Variants in ASTN2 observed in about 807,000 individuals in gnomAD.
ASTN2 encodes the protein astrotactin 2, also known as astrotactin-2.
ASTN2 carries 54 observed loss-of-function variants against 139.8 expected under a neutral mutation model. That is an observed-to-expected ratio of 0.39 (90% CI 0.31 to 0.48). The LOEUF is 0.48. ASTN2 is among the 20% of genes least tolerant of loss of function. The pLI, the probability that ASTN2 is intolerant of heterozygous loss-of-function variation, is 0.95. For synonymous variants in ASTN2, 756 were observed against 719.5 expected, an observed-to-expected ratio of 1.05 and a Z score of -0.81; for missense variants, 1,565 against 1,725.1, an observed-to-expected ratio of 0.91 and a Z score of 1.64.
intron 1 of ASTN2, among the ~76,000 whole-genome samples, chr9:117,413,412 T>A (rs1416471945): frequency 6.6e-6 from 1 of 152,198 alleles, no homozygotes; most frequent in East Asian, 1.9e-4. Flanking sequence ...CCCTGGCGCC[T>A]CACGGGCGCT....
chr9:117,188,674 G>A lies in ASTN2; in HGVS notation c.1015+25684C>T, dbSNP rs185735864. 1.2e-4 allele frequency among the ~76,000 whole-genome samples: 19 copies of A among 152,234 alleles called. 1 individual carries two copies. In the East Asian group the frequency reaches 3.3e-3, roughly 26 times the overall value. The stretch of plus-strand genomic sequence containing the variant: ...TACAGGGGTTCAGCATTCATTCCAC[G>A]GATGAGAAAGCATGCATAGATGAGA... On this transcript the variant is annotated intron_variant, in intron 3 of 22. Coordinates refer to ENST00000313400, the MANE Select transcript of ASTN2 (RefSeq NM_001365068.1).
chr9:117,203,607 C>T (rs1027671855), intron 3 of ASTN2, among the ~76,000 whole-genome samples: 2 of 151,994 alleles, frequency 1.3e-5, no homozygotes, highest in Non-Finnish European at 2.9e-5. Context: ...TAGTCAGGTC[C>T]TTCTTCCGTA....
chr9:116,608,706 C>A (rs1188539145), intron 19 of ASTN2, among the ~76,000 whole-genome samples: 1 of 152,054 alleles, frequency 6.6e-6, no homozygotes, highest in East Asian at 1.9e-4. Context: ...AGGCAAGAAT[C>A]GCAATGTCTG....
At chr9:117,408,724 C>G (rs1050198424) in intron 1 of ASTN2, among the ~76,000 whole-genome samples, 1 of 152,158 alleles carries the variant, frequency 6.6e-6, no homozygotes, top group Non-Finnish European at 1.5e-5. Context: ...ACTGACCCCC[C>G]AAGAAACAGC....
chr9:117,318,366 T>C (rs1427393456), intron 1 of ASTN2, among the ~76,000 whole-genome samples: 1 of 152,200 alleles, frequency 6.6e-6, no homozygotes, highest in Non-Finnish European at 1.5e-5. Flanking sequence ...ATGGTCATTA[T>C]TATGGTGCAT....
chr9:116,824,804 G>A (rs1238924210), intron 11 of ASTN2, among the ~76,000 whole-genome samples: 1 of 152,188 alleles, frequency 6.6e-6, no homozygotes, highest in Non-Finnish European at 1.5e-5. Context: ...TGCTGTTATA[G>A]GTATTTGTAA....
chr9:116,620,356 A>C lies in ASTN2; in HGVS notation c.3160T>G (p.Phe1054Val). 1.2e-6 allele frequency: 2 copies of C among 1,614,198 alleles called. No homozygotes were observed. The highest frequency in any genetic ancestry group is 1.7e-6 in the Non-Finnish European group (2 of 1,180,024). ...CAGTTGGGGAGCCCATTGGCATCAA[A>C]GGCGCTGAGGTCACACCTGCACCAG... ...DDWCRCDLSAFDANGLPNCSP... is the reference protein window; with the variant it reads ...DDWCRCDLSAVDANGLPNCSP... The change falls in exon 18 of 23, where the codon TTT becomes GTT. Residue 1054 changes from phenylalanine to valine, a missense_variant. Around this residue, in one of 4 missense-constraint regions of ASTN2, gnomAD observed 418 missense variants for 465.8 expected, o/e 0.90. Coordinates refer to ENST00000313400, the MANE Select transcript of ASTN2 (RefSeq NM_001365068.1).
chr9:116,630,234 G>A (rs574376200), intron 17 of ASTN2, among the ~76,000 whole-genome samples: 187 of 152,218 alleles, frequency 1.2e-3, no homozygotes, highest in Non-Finnish European at 2.0e-3. Context: ...TACATAGCCA[G>A]TATATAGCAG....
intron 3 of ASTN2, among the ~76,000 whole-genome samples, chr9:117,149,633 A>T (rs1346509497): frequency 6.6e-6 from 1 of 152,146 alleles, no homozygotes; most frequent in African/African-American, 2.4e-5. Flanking sequence ...TGCAAAAAAA[A>T]CCATCCAATT....
intron 10 of ASTN2, among the ~76,000 whole-genome samples, chr9:116,964,264 C>T (rs1034318671): frequency 2.0e-4 from 30 of 150,444 alleles, no homozygotes; most frequent in Non-Finnish European, 2.7e-4. Flanking sequence ...TGTGCGCGCG[C>T]GCGCGTGTGT....
intron 4 of ASTN2, among the ~76,000 whole-genome samples, chr9:117,114,713 T>C (rs1288705770): frequency 6.6e-6 from 1 of 152,182 alleles, no homozygotes; most frequent in Non-Finnish European, 1.5e-5. Context: ...TTGTTACTGC[T>C]TTGACTAAAA....
intron 13 of ASTN2, among the ~76,000 whole-genome samples, chr9:116,756,478 A>G (rs958269479): frequency 6.6e-6 from 1 of 152,120 alleles, no homozygotes; most frequent in African/African-American, 2.4e-5. Context: ...AATATTAATG[A>G]TTTCTGTCAT....
intron 4 of ASTN2, among the ~76,000 whole-genome samples, chr9:117,138,065 G>C (rs560554518): frequency 6.6e-6 from 1 of 152,060 alleles, no homozygotes; most frequent in Non-Finnish European, 1.5e-5. Context: ...ATGTTAATAC[G>C]CTCATTTACT....
At chr9:116,952,897 G>T (rs917017714) in intron 10 of ASTN2, among the ~76,000 whole-genome samples, 8 of 152,178 alleles carry the variant, frequency 5.3e-5, no homozygotes, top group African/African-American at 1.9e-4. Flanking sequence ...TGCTGACCTG[G>T]GCTGTTGACA....
intron 17 of ASTN2, among the ~76,000 whole-genome samples, chr9:116,630,282 C>T (rs1413119879): frequency 6.6e-6 from 1 of 152,146 alleles, no homozygotes. Flanking sequence ...ATTCCAAAGC[C>T]TAAATGCTTA....
intron 11 of ASTN2, among the ~76,000 whole-genome samples, chr9:116,840,130 C>G (rs1832163795): frequency 6.8e-6 from 1 of 148,056 alleles, no homozygotes; most frequent in African/African-American, 2.6e-5. Context: ...CATCTTGCAC[C>G]GCCCTTAATC....
intron 1 of ASTN2, among the ~76,000 whole-genome samples, chr9:117,390,118 C>A (rs757792906): frequency 3.3e-5 from 5 of 152,092 alleles, no homozygotes; most frequent in Non-Finnish European, 7.4e-5. Flanking sequence ...TGGGAACAAC[C>A]CTCAGTTATT....
intron 1 of ASTN2, among the ~76,000 whole-genome samples, chr9:117,393,117 TCC>T (rs1455119836): frequency 1.3e-5 from 2 of 152,160 alleles, no homozygotes; most frequent in Non-Finnish European, 2.9e-5. Flanking sequence ...GGCCAGCCCC[TCC>T]TCAGCCAAGA....
At chr9:116,807,228 G>A (rs999511026) in intron 12 of ASTN2, among the ~76,000 whole-genome samples, 1 of 152,186 alleles carries the variant, frequency 6.6e-6, no homozygotes, top group Non-Finnish European at 1.5e-5. Context: ...GATGGGAGAA[G>A]GAAGAGGCTC....
Sources: gnomAD v4.1 joint callset for allele counts (sites outside exome capture counted in the v4.1 genomes callset) on GRCh38, gnomAD v4.1.1 for gene constraint, gnomAD v4.1.1 regional missense constraint, MANE v1.5 for transcripts, NCBI Gene and HGNC (gene_info 2026-07-23, HGNC 2026-07-21) for gene names.